The following TYRP1 variants were observed in gnomAD, a reference collection of about 807,000 sequenced individuals.
TYRP1 encodes 5,6-dihydroxyindole-2-carboxylic acid oxidase.
TYRP1 carries 49 observed loss-of-function variants against 42.8 expected under a neutral mutation model. That is an observed-to-expected ratio of 1.14 (90% CI 0.91 to 1.45). The LOEUF (loss-of-function observed/expected upper bound fraction) is 1.45. TYRP1 is among the 40% of genes most tolerant of loss of function. TYRP1 has a pLI of 0.00. For synonymous variants in TYRP1, 279 were observed against 235.4 expected (o/e 1.19, Z -1.69); for missense variants, 848 against 662.0 (o/e 1.28, Z -3.08).
At chr9:12,700,423 G>A (rs537404853) in intron 4 of TYRP1, 13 of 152,108 alleles carry the variant, frequency 8.5e-5, no homozygotes, top group African/African-American at 2.6e-4. Flanking sequence ...TGCAGCTAAC[G>A]TTCTTCCAGC....
rs2733832 is a variant in TYRP1 at position 12,704,725 on chromosome 9, C to A, written c.1261+20C>A. ...ATGCTGGTAAGACATTTTCATATGC[C>A]TTTTGCATGCTCAGCTGGGCGGATT... On this transcript the variant is annotated intron_variant, in intron 6 of 7. Coordinates refer to ENST00000388918, the MANE Select transcript of TYRP1 (RefSeq NM_000550.3). The A allele has an allele frequency of 6.2e-7, 1 of 1,608,526 alleles. No individual in the cohort carries two copies. The highest frequency in any genetic ancestry group is 1.3e-5 in the African/African-American group (1 of 74,682).
In TYRP1 at chr9:12,709,241, A is replaced by ATTGAG. The variant is rs1818315830; in HGVS notation, c.*62_*66dup. Reference sequence around the variant, plus strand: ...AAAACCACCTGGTTGAATATAATAGATTGAGTTATTAACTGTATTTTCTTT... The same window carrying ATTGAG: ...AAAACCACCTGGTTGAATATAATAGATTGAGTTGAGTTATTAACTGTATTTTCTTT... On this transcript the variant is annotated 3_prime_UTR_variant, in exon 8 of 8. Transcript: ENST00000388918. 3.4e-6 allele frequency: 5 copies of ATTGAG among 1,467,818 alleles called. No homozygotes were observed. The highest frequency in any genetic ancestry group is 2.3e-5 in the South Asian group (2 of 87,926). The allele number at this position is 1,467,818 out of a possible 1,614,324, so 90.9% of individuals were successfully genotyped here.
At chr9:12,697,942 A>G (rs1256602665) in intron 3 of TYRP1, among the ~76,000 whole-genome samples, 1 of 152,180 alleles carries the variant, frequency 6.6e-6, no homozygotes, top group Non-Finnish European at 1.5e-5. Flanking sequence ...TTGCCAAACC[A>G]GAATCTAAAT....
chr9:12,707,822 T>C lies in TYRP1; in HGVS notation c.1262-175T>C, dbSNP rs1818283063. On this transcript the variant is annotated intron_variant, in intron 6 of 7. Transcript: ENST00000388918. ...TTGGTACTGTATTCAAAGCATTTTC[T>C]GTTTTATGTAATTTCTCATCCTGCT... 2.1e-5 allele frequency: 13 copies of C among 623,110 alleles called. 1 individual carries two copies. The South Asian group carries it at 2.8e-4, about 13-fold the overall frequency. 38.6% of individuals were successfully genotyped at this position (623,110 alleles called of 1,614,324 possible).
Position 12,694,031 on chromosome 9 carries a change from T to G in TYRP1, c.35T>G (p.Ile12Ser). The change falls in exon 2 of 8, where the codon ATC (isoleucine) becomes AGC (serine). Residue 12 changes from isoleucine to serine, a missense_variant. Ile to Ser is a moderately radical substitution (Grantham distance 142, BLOSUM62 -2). Transcript: ENST00000388918. ...SAPKLLSLGC[I>S]FFPLLLFQQA... ...CCTAAACTCCTCTCTCTGGGCTGTATCTTCTTCCCCTTGCTACTTTTTCAG... is the reference window on the plus strand; with the variant it reads ...CCTAAACTCCTCTCTCTGGGCTGTAGCTTCTTCCCCTTGCTACTTTTTCAG... 2 of 1,614,080 alleles carry G rather than the reference T, an allele frequency of 1.2e-6. No homozygotes were observed. Among genetic ancestry groups the G allele is most frequent in the Non-Finnish European group, 1.7e-6 (2 of 1,180,020 alleles).
intron 6 of TYRP1, among the ~76,000 whole-genome samples, chr9:12,706,657 T>G (rs1356498625): frequency 6.6e-6 from 1 of 152,024 alleles, no homozygotes; most frequent in Non-Finnish European, 1.5e-5. Flanking sequence ...GCAAACTGCA[T>G]GAAAGCTAAG....
rs974164436 is a variant in TYRP1, at chr9:12,709,492, A to G, written c.*310A>G. ...TGAAGATATAAGTAAGTGAACTACC[A>G]TGCTTTGTTTACGTGTAAAGGAAAA... On this transcript the variant is annotated 3_prime_UTR_variant, in exon 8 of 8. Coordinates refer to ENST00000388918, the MANE Select transcript of TYRP1 (RefSeq NM_000550.3). 3 of 343,284 alleles carry G rather than the reference A, an allele frequency of 8.7e-6. No individual in the cohort carries two copies. Among genetic ancestry groups the G allele is most frequent in the African/African-American group, 6.2e-5 (3 of 48,016 alleles). 21.3% of individuals were successfully genotyped at this position (343,284 alleles called of 1,614,324 possible). A position where few individuals can be genotyped will look rare whatever the true frequency, so the allele number is the denominator to read the frequency against.
chr9:12,707,990 A>G lies in TYRP1; in HGVS notation c.1262-7A>G. 1 of 1,608,078 alleles carries G rather than the reference A, an allele frequency of 6.2e-7. No individual in the cohort carries two copies. The highest frequency in any genetic ancestry group is 8.5e-7 in the Non-Finnish European group (1 of 1,175,754). Reference sequence around the variant, plus strand: ...TTTATTAATACGTTGTCTTTGGAATAATTTAGATATATCCACATTTCCATT... The same window carrying G: ...TTTATTAATACGTTGTCTTTGGAATGATTTAGATATATCCACATTTCCATT... On this transcript the variant is annotated splice_polypyrimidine_tract_variant and splice_region_variant and intron_variant, in intron 6 of 7. Transcript: ENST00000388918.
chr9:12,703,640 GA>G (rs1818210052), intron 5 of TYRP1, among the ~76,000 whole-genome samples: 1 of 151,850 alleles, frequency 6.6e-6, no homozygotes, highest in African/African-American at 2.4e-5. Context: ...ATAGATGCTT[GA>G]AAAAATGCAT....
In TYRP1 at chr9:12,695,725, C is replaced by G. The variant is rs777254884; in HGVS notation, c.596C>G (p.Thr199Ser). 2.2e-5 allele frequency: 35 copies of G among 1,614,034 alleles called. No homozygotes were observed. Among genetic ancestry groups the G allele is most frequent in the Middle Eastern group, 1.6e-4 (1 of 6,084 alleles). ...VWTHYYSVKK[T>S]FLGVGQESFG... ...ACACACTATTACTCAGTCAAAAAGA[C>G]TTTCCTTGGGGTAGGACAGGAAAGC... The change falls in exon 3 of 8, where the codon ACT becomes AGT. Residue 199 changes from threonine (T) to serine (S), a missense_variant. Physicochemically the swap from Thr to Ser is moderately conservative, Grantham distance 58. Transcript: ENST00000388918.
intron 5 of TYRP1, 35 bp from the exon 6 acceptor site, chr9:12,704,490 AT>A (rs1818225247): frequency 3.8e-6 from 6 of 1,598,124 alleles, no homozygotes; most frequent in Non-Finnish European, 5.1e-6. Flanking sequence ...AATATTTGCA[AT>A]AGTTTTACTA....
At chr9:12,707,226 C>G (rs1471043062) in intron 6 of TYRP1, among the ~76,000 whole-genome samples, 3 of 151,968 alleles carry the variant, frequency 2.0e-5, no homozygotes, top group African/African-American at 7.2e-5. Flanking sequence ...GTGATCACTA[C>G]TTTACTTTTT....
At chr9:12,698,058 G>C (rs1441384164) in intron 3 of TYRP1, among the ~76,000 whole-genome samples, 1 of 152,110 alleles carries the variant, frequency 6.6e-6, no homozygotes, top group East Asian at 1.9e-4. Context: ...AGTTAATGAT[G>C]CTTGAATTAA....
intron 7 of TYRP1, 149 bp from the exon 8 acceptor site, chr9:12,708,828 T>C: frequency 1.4e-6 from 1 of 730,100 alleles, no homozygotes; most frequent in Non-Finnish European, 2.3e-6. Context: ...TTAAAAGAAA[T>C]CAGGAAGTGG....
chr9:12,708,762 T>C, intron 7 of TYRP1, among the ~76,000 whole-genome samples: 1 of 151,942 alleles, frequency 6.6e-6, no homozygotes, highest in Non-Finnish European at 1.5e-5. Flanking sequence ...CATCATTCTC[T>C]CACTTTCACA....
rs774618643 is a variant in TYRP1 at position 12,708,061 on chromosome 9, A to G, written c.1326A>G (p.Pro442=). The G allele has an allele frequency of 4.3e-6, 7 of 1,612,866 alleles. No individual in the cohort carries two copies. Among genetic ancestry groups the G allele is most frequent in the Non-Finnish European group, 5.9e-6 (7 of 1,179,322 alleles). The change falls in exon 7 of 8, where the codon CCA becomes CCG. Residue 442 remains proline (P), a synonymous_variant. Transcript: ENST00000388918. ...IGHNRQYNMV[P]FWPPVTNTEM... is the part of the protein sequence containing the mutation. ...ATAATAGACAATACAACATGGTGCC[A>G]TTCTGGCCCCCAGTCACCAACACAG...
chr9:12,696,235 T>C (rs1206399980), intron 3 of TYRP1, among the ~76,000 whole-genome samples: 1 of 152,190 alleles, frequency 6.6e-6, no homozygotes. Flanking sequence ...GACTTCTCAA[T>C]CTTTCCAGTC....
chr9:12,706,607 T>C (rs1441690298), intron 6 of TYRP1, among the ~76,000 whole-genome samples: 1 of 151,966 alleles, frequency 6.6e-6, no homozygotes, highest in Non-Finnish European at 1.5e-5. Context: ...TCTGATAAAA[T>C]GTGGCCATAA....
rs1200428651 is a variant in TYRP1, at chr9:12,698,447, C to A, written c.709-4C>A. The stretch of plus-strand genomic sequence containing the variant: ...AGAGTATTAATGTGGTTTCTGTGAT[C>A]TAGGAAATGTTGCAAGAGCCTTCTT... On this transcript the variant is annotated splice_region_variant and splice_polypyrimidine_tract_variant and intron_variant, in intron 3 of 7. Coordinates refer to ENST00000388918, the MANE Select transcript of TYRP1 (RefSeq NM_000550.3). 6.2e-7 allele frequency: 1 copy of A among 1,613,000 alleles called. No homozygotes were observed. Among genetic ancestry groups the A allele is most frequent in the African/African-American group, 1.3e-5 (1 of 74,898 alleles).
Sources: allele counts gnomAD v4.1 joint callset (sites outside exome capture counted in the v4.1 genomes callset), GRCh38; gene constraint gnomAD v4.1.1; transcripts MANE v1.5; gene names NCBI Gene and HGNC (gene_info 2026-07-23, HGNC 2026-07-21).